The following FNBP1 variants were observed in gnomAD, a reference collection of about 807,000 sequenced individuals.
FNBP1 encodes the protein formin binding protein 1, also known as formin-binding protein 1.
FNBP1 carries 26 observed loss-of-function variants against 90.6 expected under a neutral mutation model. The observed-to-expected ratio is 0.29, with a 90% confidence interval of 0.21 to 0.40. The LOEUF (loss-of-function observed/expected upper bound fraction) is 0.40, where lower values mean the gene tolerates loss of function less well. Ranked by LOEUF, FNBP1 falls within the 10% of genes least tolerant of loss-of-function variation. FNBP1 has a pLI of 1.00. For synonymous variants in FNBP1, 260 were observed against 265.2 expected (o/e 0.98, Z 0.19); for missense variants, 635 against 768.0 (o/e 0.83, Z 2.05).
chr9:129,943,992 C>CAAAAAAA (rs397936316), intron 6 of FNBP1, among the ~76,000 whole-genome samples: 46,840 of 59,990 alleles, frequency 0.78, 19,160 homozygotes, highest in East Asian at 0.92. Flanking sequence ...GACTCCATCT[C>CAAAAAAA]AAAAAAAAAA....
rs137973522 is a variant in FNBP1 at position 129,986,784 on chromosome 9, C to T, written c.141-7410G>A. ...CAGCCTGGGTGACAGAGCGAGATGC[C>T]GTCTCAAGAAAAAAAATTTTAAAAA... On this transcript the variant is annotated intron_variant, in intron 2 of 16. Transcript: ENST00000446176. 6.6e-3 allele frequency among the ~76,000 whole-genome samples: 994 copies of T among 150,932 alleles called. 17 individuals carry two copies. Among genetic ancestry groups the T allele is most frequent in the African/African-American group, 0.023 (954 of 41,010 alleles).
intron 2 of FNBP1, among the ~76,000 whole-genome samples, chr9:129,980,875 C>A (rs999382877): frequency 6.6e-6 from 1 of 151,462 alleles, no homozygotes; most frequent in Admixed American, 6.6e-5. Context: ...CATGGTGAAA[C>A]CCCGTCTCTA....
At chr9:129,987,362 C>T (rs376193829) in intron 2 of FNBP1, among the ~76,000 whole-genome samples, 1 of 151,896 alleles carries the variant, frequency 6.6e-6, no homozygotes, top group African/African-American at 2.4e-5. Flanking sequence ...CTGAGGGCCT[C>T]GGGTTTCAGA....
At chr9:129,915,359 T>G (rs78108871) in intron 11 of FNBP1, among the ~76,000 whole-genome samples, 36 of 152,150 alleles carry the variant, frequency 2.4e-4, no homozygotes, top group Non-Finnish European at 4.6e-4. Context: ...GATTTAATAT[T>G]TACGTTCATA....
chr9:129,901,768 CG>C (rs2036987545), intron 13 of FNBP1, among the ~76,000 whole-genome samples: 1 of 151,274 alleles, frequency 6.6e-6, no homozygotes, highest in Admixed American at 6.6e-5. Flanking sequence ...AAAAAGTAGC[CG>C]GGTGTGGTGG....
chr9:129,959,002 A>AAAAAAAAAAAAAAAAAAAAAG (rs2047377184), intron 4 of FNBP1, among the ~76,000 whole-genome samples: 1 of 147,060 alleles, frequency 6.8e-6, no homozygotes, highest in African/African-American at 2.5e-5. Context: ...AAAAAAAAAA[A>AAAAAAAAAAAAAAAAAAAAAG]AAAAAGGAAA....
intron 1 of FNBP1, chr9:130,013,626 C>G (rs938600193): frequency 4.5e-6 from 2 of 445,178 alleles, no homozygotes; most frequent in African/African-American, 4.0e-5. Flanking sequence ...CTCATGTGCA[C>G]CAAGAGACAT....
Position 130,042,873 on chromosome 9 carries a change from G to T in FNBP1, c.24+79C>A. On this transcript the variant is annotated intron_variant, in intron 1 of 16. Transcript: ENST00000446176. The surrounding 1 kb of genome is among the most constrained non-coding windows in gnomAD (Gnocchi z 5.5). ...CGCCCTCGCCTCCGCCCAGCAGCGC[G>T]GCCCGCGCCCCCTCCCCAGGCCGCG... 1 of 1,035,696 alleles carries T rather than the reference G, an allele frequency of 9.7e-7. No homozygotes were observed. Among genetic ancestry groups the T allele is most frequent in the Non-Finnish European group, 1.2e-6 (1 of 811,110 alleles). The allele number at this position is 1,035,696 out of a possible 1,614,324, so 64.2% of individuals were successfully genotyped here.
chr9:129,917,038 G>C (rs773109083), intron 10 of FNBP1, among the ~76,000 whole-genome samples: 1 of 151,664 alleles, frequency 6.6e-6, no homozygotes, highest in Non-Finnish European at 1.5e-5. Flanking sequence ...TTTGAGACAG[G>C]GTCTCACACT....
intron 1 of FNBP1, among the ~76,000 whole-genome samples, chr9:130,029,811 A>C (rs590000): frequency 0.9 from 137,308 of 151,904 alleles, 62,102 homozygotes; most frequent in Non-Finnish European, 0.92. Flanking sequence ...TAGCGAGACA[A>C]CATCTCTACA....
At chr9:130,035,925 G>A (rs1410856707) in intron 1 of FNBP1, among the ~76,000 whole-genome samples, 5 of 152,000 alleles carry the variant, frequency 3.3e-5, no homozygotes, top group African/African-American at 9.7e-5. Context: ...CAGCCTGGGC[G>A]ACAAGAGCGA....
intron 2 of FNBP1, among the ~76,000 whole-genome samples, chr9:129,980,971 A>T (rs1410604848): frequency 6.6e-6 from 1 of 150,964 alleles, no homozygotes; most frequent in Non-Finnish European, 1.5e-5. Flanking sequence ...GAATGGCATG[A>T]ATCCAGGAGG....
At chr9:130,034,178 G>A (rs548740202) in intron 1 of FNBP1, among the ~76,000 whole-genome samples, 6 of 148,328 alleles carry the variant, frequency 4.0e-5, no homozygotes, top group South Asian at 4.3e-4. Flanking sequence ...AAAATTAGCC[G>A]GGCAAACGCC....
upstream of FNBP1, among the ~76,000 whole-genome samples, chr9:130,047,999 T>C (rs72757295): frequency 0.074 from 11,315 of 152,084 alleles, 518 homozygotes; most frequent in Admixed American, 0.13. Flanking sequence ...ACTTACATTA[T>C]CTGAGCTTCA....
chr9:130,011,901 C>T (rs2056657114), intron 1 of FNBP1, among the ~76,000 whole-genome samples: 2 of 152,074 alleles, frequency 1.3e-5, no homozygotes, highest in Admixed American at 6.5e-5. Flanking sequence ...TTCTGGAGAA[C>T]AAAATTCTAA....
In FNBP1 at chr9:129,895,210, C is replaced by T. The variant is rs146121805; in HGVS notation, c.1846+628G>A. Reference sequence around the variant, plus strand: ...GGGATCATGTAGATGGAACAGGGTACTCGTGATGCCCTACCAAGGATGCTG... The same window carrying T: ...GGGATCATGTAGATGGAACAGGGTATTCGTGATGCCCTACCAAGGATGCTG... On this transcript the variant is annotated intron_variant, in intron 16 of 16. Transcript: ENST00000446176. 3.4e-4 allele frequency: 347 copies of T among 1,006,912 alleles called. No homozygotes were observed. In the African/African-American group the frequency reaches 5.7e-3, roughly 16 times the overall value. 62.4% of individuals were successfully genotyped at this position (1,006,912 alleles called of 1,614,324 possible).
intron 11 of FNBP1, among the ~76,000 whole-genome samples, chr9:129,910,466 T>C (rs1049167895): frequency 1.8e-5 from 2 of 110,578 alleles, no homozygotes; most frequent in African/African-American, 3.5e-5. Flanking sequence ...TGGGCGACAA[T>C]GCGAGACTCC....
chr9:130,027,899 G>A (rs775713598), intron 1 of FNBP1, among the ~76,000 whole-genome samples: 11 of 151,910 alleles, frequency 7.2e-5, no homozygotes, highest in East Asian at 1.9e-4. Context: ...AAAAACGCAC[G>A]GCTATTTGTG....
At chr9:129,906,721 G>A (rs1281177697) in intron 12 of FNBP1, among the ~76,000 whole-genome samples, 1 of 152,154 alleles carries the variant, frequency 6.6e-6, no homozygotes, top group Non-Finnish European at 1.5e-5. Context: ...GCAGTTGTTA[G>A]ATGTTTATGT....
Sources: allele counts gnomAD v4.1 joint callset (sites outside exome capture counted in the v4.1 genomes callset), GRCh38; gene constraint gnomAD v4.1.1; non-coding constraint Gnocchi (gnomAD v3.1); transcripts MANE v1.5; gene names NCBI Gene and HGNC (gene_info 2026-07-23, HGNC 2026-07-21).